AGBL1: variants seen among roughly 807,000 people sequenced by gnomAD.
AGBL1 encodes cytosolic carboxypeptidase 4.
Under a neutral mutation model 118.9 loss-of-function variants are expected in AGBL1, and 130 were observed. The observed-to-expected ratio is 1.09, with a 90% CI of 0.95 to 1.26. The LOEUF (loss-of-function observed/expected upper bound fraction) is 1.26. Ranked by LOEUF, AGBL1 falls within the 50% of genes most tolerant of loss-of-function variation. AGBL1 has a pLI of 0.00. For synonymous variants in AGBL1, 555 were observed against 478.9 expected (o/e 1.16, Z -2.08); for missense variants, 1,584 against 1,298.1 (o/e 1.22, Z -3.38).
At chr15:86,981,763 G>GA (rs2081233820) in intron 23 of AGBL1, among the ~76,000 whole-genome samples, 1 of 152,056 alleles carries the variant, frequency 6.6e-6, no homozygotes, top group Non-Finnish European at 1.5e-5. Context: ...TCTAGGCCCA[G>GA]AAAAATGAAA....
chr15:86,607,606 T>C (rs1168739776), intron 21 of AGBL1, among the ~76,000 whole-genome samples: 7 of 152,206 alleles, frequency 4.6e-5, no homozygotes, highest in Non-Finnish European at 1.0e-4. Flanking sequence ...TTTGGCCATT[T>C]TACTGGGTGT....
chr15:86,670,835 C>T (rs1211008734), intron 21 of AGBL1, among the ~76,000 whole-genome samples: 1 of 151,756 alleles, frequency 6.6e-6, no homozygotes, highest in Non-Finnish European at 1.5e-5. Context: ...ATTTAGACAT[C>T]TTTTTTGGAC....
At position 86,244,668 on chromosome 15, in the gene AGBL1, TC is replaced by T. The variant is rs571557178; in HGVS notation, c.527-2997del. On this transcript the variant is annotated intron_variant, in intron 6 of 22. Coordinates refer to ENST00000614907, the MANE Select transcript of AGBL1 (RefSeq NM_001386094.1). ...TAAAGATTTTTTTTCATTATCTTTC[TC>T]CCCCCACCAAAAAAGACATGGATGA... 3.3e-5 allele frequency among the ~76,000 whole-genome samples: 5 copies of T among 152,050 alleles called. No individual in the cohort carries two copies. In the East Asian group the frequency reaches 9.6e-4, roughly 29 times the overall value.
intron 22 of AGBL1, among the ~76,000 whole-genome samples, chr15:86,892,602 G>A (rs2141560467): frequency 6.6e-6 from 1 of 152,240 alleles, no homozygotes; most frequent in East Asian, 1.9e-4. Flanking sequence ...CTACCCCATA[G>A]ATTTGTTTAT....
At chr15:86,345,119 T>C (rs1045016090) in intron 17 of AGBL1, among the ~76,000 whole-genome samples, 1 of 152,184 alleles carries the variant, frequency 6.6e-6, no homozygotes, top group Admixed American at 6.6e-5. Flanking sequence ...AAAAGTTCTT[T>C]ACACTGCCTC....
intron 22 of AGBL1, among the ~76,000 whole-genome samples, chr15:86,812,842 G>T (rs773472622): frequency 1.3e-5 from 2 of 152,118 alleles, no homozygotes; most frequent in African/African-American, 4.8e-5. Flanking sequence ...CATTCTAAAG[G>T]TATGCGTGGC....
intron 17 of AGBL1, among the ~76,000 whole-genome samples, chr15:86,391,774 C>G (rs564341794): frequency 2.0e-4 from 29 of 148,652 alleles, no homozygotes; most frequent in Admixed American, 4.1e-4. Context: ...TCTTCTCTTG[C>G]CTTCCAAACG....
intron 23 of AGBL1, among the ~76,000 whole-genome samples, chr15:86,929,892 C>G (rs1387207853): frequency 6.6e-6 from 1 of 152,146 alleles, no homozygotes; most frequent in Non-Finnish European, 1.5e-5. Flanking sequence ...CTAGAATATG[C>G]CACTTCATGG....
At chr15:86,448,016 G>A (rs2082145455) in intron 18 of AGBL1, among the ~76,000 whole-genome samples, 2 of 151,990 alleles carry the variant, frequency 1.3e-5, no homozygotes, top group South Asian at 2.1e-4. Context: ...GTGGTGGCAC[G>A]GGCCTGTGGT....
chr15:86,422,649 C>A (rs148361982), intron 18 of AGBL1, among the ~76,000 whole-genome samples: 26 of 152,018 alleles, frequency 1.7e-4, no homozygotes, highest in African/African-American at 5.5e-4. Context: ...TCAATGAATC[C>A]AGGAGCTGAT....
rs1477997374 is a variant in AGBL1, at chr15:86,911,101, C to G, written c.*3807C>G. On this transcript the variant is annotated 3_prime_UTR_variant, in exon 23 of 23. Transcript: ENST00000614907. The stretch of plus-strand genomic sequence containing the variant: ...CCAAGAATTCCAAGGAGTTGTAGGC[C>G]ATAATGGGAAGCAAATGTGGTCCAA... The G allele has an allele frequency of 1.3e-5, 2 of 152,336 alleles. No homozygotes were observed. The highest frequency in any genetic ancestry group is 4.8e-5 in the African/African-American group (2 of 41,396). 9.4% of individuals were successfully genotyped at this position (152,336 alleles called of 1,614,324 possible).
chr15:86,709,984 G>C (rs1030343334), intron 22 of AGBL1, among the ~76,000 whole-genome samples: 1 of 152,128 alleles, frequency 6.6e-6, no homozygotes, highest in Non-Finnish European at 1.5e-5. Context: ...ACTTTTCCCT[G>C]CTTCAAAGAT....
At chr15:86,843,552 G>A (rs759430903) in intron 22 of AGBL1, among the ~76,000 whole-genome samples, 7 of 152,040 alleles carry the variant, frequency 4.6e-5, no homozygotes, top group Non-Finnish European at 7.4e-5. Context: ...TTTTTATGAA[G>A]TTATCCAGAA....
chr15:86,894,742 A>G (rs1257362279), intron 22 of AGBL1, among the ~76,000 whole-genome samples: 1 of 152,212 alleles, frequency 6.6e-6, no homozygotes, highest in Non-Finnish European at 1.5e-5. Context: ...ACTGCCAGTC[A>G]TATTAAACAA....
At chr15:87,022,941 C>T (rs537031949) in intron 24 of AGBL1, among the ~76,000 whole-genome samples, 2 of 152,114 alleles carry the variant, frequency 1.3e-5, no homozygotes, top group African/African-American at 4.8e-5. Context: ...GCCACCACTA[C>T]AAGAACTGCT....
chr15:86,309,033 A>G (rs2079882332), intron 17 of AGBL1, among the ~76,000 whole-genome samples: 1 of 152,218 alleles, frequency 6.6e-6, no homozygotes, highest in Non-Finnish European at 1.5e-5. Context: ...AATTTTAACA[A>G]TATTATTTCA....
intron 17 of AGBL1, among the ~76,000 whole-genome samples, chr15:86,375,800 G>C (rs1398066343): frequency 6.6e-6 from 1 of 152,186 alleles, no homozygotes; most frequent in African/African-American, 2.4e-5. Flanking sequence ...TTTTGGCAAA[G>C]GGTAGAAGAC....
chr15:86,815,843 GAAAC>G (rs1188306954), intron 22 of AGBL1, among the ~76,000 whole-genome samples: 2 of 152,182 alleles, frequency 1.3e-5, no homozygotes, highest in African/African-American at 4.8e-5. Flanking sequence ...CCAGAATTTT[GAAAC>G]AAACAAACAA....
chr15:86,984,891 C>T (rs2081266409), intron 23 of AGBL1, among the ~76,000 whole-genome samples: 1 of 152,206 alleles, frequency 6.6e-6, no homozygotes, highest in Admixed American at 6.5e-5. Context: ...CCATCCCTGC[C>T]TCCACTCCTG....
Sources: allele counts gnomAD v4.1 joint callset (sites outside exome capture counted in the v4.1 genomes callset), GRCh38; gene constraint gnomAD v4.1.1; transcripts MANE v1.5; gene names NCBI Gene and HGNC (gene_info 2026-07-23, HGNC 2026-07-21).